Variants in MCU observed in about 807,000 individuals in gnomAD.
The protein encoded by MCU is mitochondrial calcium uniporter.
A neutral mutation model predicts 45.2 loss-of-function variants in MCU; 12 were observed. The ratio of observed to expected loss-of-function variants is 0.27; its 90% CI spans 0.17 to 0.43. The LOEUF (loss-of-function observed/expected upper bound fraction) is 0.43. MCU is among the 20% of genes least tolerant of loss of function. The pLI is 1.00. For missense variants in MCU, 324 were observed against 436.7 expected (o/e 0.74, Z 2.30); for synonymous variants, 160 against 165.1 (o/e 0.97, Z 0.24).
intron 1 of MCU, among the ~76,000 whole-genome samples, chr10:72,773,262 T>G (rs548696712): frequency 3.3e-5 from 5 of 152,264 alleles, no homozygotes; most frequent in Admixed American, 3.3e-4. Context: ...TTCAGAAATT[T>G]ATCAGAGAAA....
At chr10:72,766,322 C>A (rs1364373521) in intron 1 of MCU, among the ~76,000 whole-genome samples, 1 of 152,146 alleles carries the variant, frequency 6.6e-6, no homozygotes, top group African/African-American at 2.4e-5. Context: ...TTAAACCCAA[C>A]GTGTCTTAAT....
chr10:72,793,369 A>G (rs1844196671), intron 1 of MCU, among the ~76,000 whole-genome samples: 2 of 152,304 alleles, frequency 1.3e-5, no homozygotes, highest in South Asian at 4.1e-4. Context: ...AACTATTAAA[A>G]TATTTTTATA....
chr10:72,861,141 C>A (rs892274331), intron 4 of MCU, among the ~76,000 whole-genome samples: 1 of 152,046 alleles, frequency 6.6e-6, no homozygotes, highest in Non-Finnish European at 1.5e-5. Context: ...CTCATCCTCT[C>A]AAGCAGCTGG....
chr10:72,784,944 A>G (rs943715580), intron 1 of MCU, among the ~76,000 whole-genome samples: 1 of 152,136 alleles, frequency 6.6e-6, no homozygotes, highest in Non-Finnish European at 1.5e-5. Flanking sequence ...CAGTCAACCA[A>G]TTCCTGGTGT....
chr10:72,822,611 T>C lies in MCU; in HGVS notation c.151-11748T>C, dbSNP rs535709008. The stretch of plus-strand genomic sequence containing the variant: ...ATGAAAAGATGCTCAACATCATTAC[T>C]TATAAGAGAAATGGAAATCAAAGCC... On this transcript the variant is annotated intron_variant, in intron 1 of 7. Coordinates refer to ENST00000373053, the MANE Select transcript of MCU (RefSeq NM_138357.3). Among the ~76,000 whole-genome samples, 42 of 152,334 alleles carry C rather than the reference T, an allele frequency of 2.8e-4. 1 individual carries two copies. In the South Asian group the frequency reaches 7.9e-3, roughly 29 times the overall value.
intron 1 of MCU, among the ~76,000 whole-genome samples, chr10:72,766,249 T>C (rs1454876004): frequency 6.6e-6 from 1 of 152,210 alleles, no homozygotes; most frequent in African/African-American, 2.4e-5. Flanking sequence ...TGTGTGGCTC[T>C]TTTTTCTTGT....
intron 1 of MCU, among the ~76,000 whole-genome samples, chr10:72,819,423 C>T (rs1277378836): frequency 6.6e-6 from 1 of 152,154 alleles, no homozygotes; most frequent in African/African-American, 2.4e-5. Context: ...GCTAAATACT[C>T]ATCCATAAGT....
chr10:72,707,929 T>C (rs1199350601), intron 1 of MCU, among the ~76,000 whole-genome samples: 1 of 152,102 alleles, frequency 6.6e-6, no homozygotes, highest in Admixed American at 6.6e-5. Context: ...CTGCCTCACC[T>C]TCTTCAGTAG....
chr10:72,770,165 T>G (rs373905181), intron 1 of MCU, among the ~76,000 whole-genome samples: 25 of 152,316 alleles, frequency 1.6e-4, no homozygotes, highest in African/African-American at 5.5e-4. Context: ...GAGAGCATAC[T>G]TTATTATTTC....
chr10:72,788,215 CTATGAG>C (rs1470983825), intron 1 of MCU, among the ~76,000 whole-genome samples: 1 of 152,258 alleles, frequency 6.6e-6, no homozygotes, highest in Non-Finnish European at 1.5e-5. Context: ...TAGCTGCTGA[CTATGAG>C]TATATGACTC....
chr10:72,771,071 T>C (rs1367935043), intron 1 of MCU, among the ~76,000 whole-genome samples: 1 of 152,210 alleles, frequency 6.6e-6, no homozygotes, highest in Non-Finnish European at 1.5e-5. Context: ...TATTATACTT[T>C]AAGTTCTGGG....
intron 3 of MCU, among the ~76,000 whole-genome samples, chr10:72,859,688 A>T (rs1435456308): frequency 2.8e-4 from 42 of 152,218 alleles, no homozygotes. Context: ...TACTTCCAGT[A>T]GTTAAACCCT....
chr10:72,767,212 G>A (rs896278203), intron 1 of MCU, among the ~76,000 whole-genome samples: 3 of 151,920 alleles, frequency 2.0e-5, no homozygotes, highest in African/African-American at 7.3e-5. Context: ...TTTGGTTTAA[G>A]ACTTCAGGAG....
At chr10:72,706,681 C>T (rs1363809881) in intron 1 of MCU, among the ~76,000 whole-genome samples, 2 of 151,096 alleles carry the variant, frequency 1.3e-5, no homozygotes, top group Non-Finnish European at 2.9e-5. Context: ...GGACTACAGG[C>T]GTGCGCCACC....
At chr10:72,803,424 T>C (rs1225967993) in intron 1 of MCU, among the ~76,000 whole-genome samples, 1 of 151,718 alleles carries the variant, frequency 6.6e-6, no homozygotes, top group Non-Finnish European at 1.5e-5. Context: ...AAAGAAAAAA[T>C]TCCAAACTCA....
At chr10:72,733,703 A>ATT (rs1257977818) in intron 1 of MCU, among the ~76,000 whole-genome samples, 15 of 128,158 alleles carry the variant, frequency 1.2e-4, no homozygotes, top group Admixed American at 4.1e-4. Context: ...ATATATATAT[A>ATT]TTTTTTTAAA....
intron 7 of MCU, among the ~76,000 whole-genome samples, chr10:72,884,868 T>A (rs1382138326): frequency 6.6e-6 from 1 of 152,172 alleles, no homozygotes; most frequent in Non-Finnish European, 1.5e-5. Flanking sequence ...AAGATTGATA[T>A]ATTTTATTTT....
At chr10:72,730,357 AG>A (rs1564540708) in intron 1 of MCU, among the ~76,000 whole-genome samples, 1 of 127,840 alleles carries the variant, frequency 7.8e-6, no homozygotes, top group Non-Finnish European at 1.6e-5. Flanking sequence ...CACCTAGGCT[AG>A]AATGCAGAAC....
At chr10:72,749,417 T>C (rs1843462684) in intron 1 of MCU, among the ~76,000 whole-genome samples, 1 of 152,256 alleles carries the variant, frequency 6.6e-6, no homozygotes, top group African/African-American at 2.4e-5. Flanking sequence ...GTGAAGCTAT[T>C]TATATGCAAT....
Sources: gnomAD v4.1 joint callset for allele counts (sites outside exome capture counted in the v4.1 genomes callset) on GRCh38, gnomAD v4.1.1 for gene constraint, MANE v1.5 for transcripts, NCBI Gene and HGNC (gene_info 2026-07-23, HGNC 2026-07-21) for gene names.